ERI2: variants seen among roughly 807,000 people sequenced by gnomAD.
ERI2 encodes the protein ERI1 exoribonuclease 2.
Under a neutral mutation model 46.8 loss-of-function variants are expected in ERI2, and 35 were observed. The ratio of observed to expected loss-of-function variants is 0.75; its 90% CI spans 0.57 to 0.99. The LOEUF (loss-of-function observed/expected upper bound fraction) is 0.99, where lower values mean the gene tolerates loss of function less well. Ranked by LOEUF, ERI2 falls within the 50% of genes least tolerant of loss-of-function variation. ERI2 has a pLI of 0.00. For synonymous variants in ERI2, 224 were observed against 271.0 expected (o/e 0.83, Z 1.70); for missense variants, 695 against 796.2 (o/e 0.87, Z 1.53).
chr16:20,797,383 TA>T lies in ERI2; in HGVS notation c.*340del. ...ACTTATAAAAGTTTTTAGAAAAATA[TA>T]AAATATCAGTTAGAAGATTATGATA... On this transcript the variant is annotated 3_prime_UTR_variant, in exon 9 of 9. Coordinates refer to ENST00000357967, the MANE Select transcript of ERI2 (RefSeq NM_001142725.2). 1 of 985,872 alleles carries T rather than the reference TA, an allele frequency of 1.0e-6. No individual in the cohort carries two copies. The highest frequency in any genetic ancestry group is 1.2e-6 in the Non-Finnish European group (1 of 824,992). 61.1% of individuals were successfully genotyped at this position (985,872 alleles called of 1,614,324 possible). A position where few individuals can be genotyped will look rare whatever the true frequency, so the allele number is the denominator to read the frequency against.
chr16:20,785,269 T>C (rs2080447398), intron 10 of ERI2, among the ~76,000 whole-genome samples: 1 of 152,200 alleles, frequency 6.6e-6, no homozygotes, highest in Non-Finnish European at 1.5e-5. Context: ...GCAAAAAAGC[T>C]CTGTTAACAG....
At chr16:20,795,789 A>C (rs1217701774), downstream of ERI2, among the ~76,000 whole-genome samples, 1 of 152,320 alleles carries the variant, frequency 6.6e-6, no homozygotes, top group East Asian at 1.9e-4. Context: ...CAGGACTCCA[A>C]ATTTACTTTT....
At chr16:20,781,839 G>C in intron 10 of ERI2, 67 of 1,379,592 alleles carry the variant, frequency 4.9e-5, no homozygotes, top group Non-Finnish European at 6.4e-5. Context: ...AGAAGAGGAA[G>C]CTATAAAATA....
Position 20,799,462 on chromosome 16 carries a change from G to T in ERI2, c.644-111C>A, listed in dbSNP as rs976109378. 5 of 1,053,390 alleles carry T rather than the reference G, an allele frequency of 4.7e-6. No homozygotes were observed. In the African/African-American group the frequency reaches 4.9e-5, roughly 10 times the overall value. The allele number at this position is 1,053,390 out of a possible 1,614,324, so 65.3% of individuals were successfully genotyped here. A position where few individuals can be genotyped will look rare whatever the true frequency, so the allele number is the denominator to read the frequency against. The stretch of plus-strand genomic sequence containing the variant: ...CCACTTGTGTAGAAATTGGAACACA[G>T]TTTTAGTTTTATGACCATCTACTAA... On this transcript the variant is annotated intron_variant, in intron 7 of 8. Transcript: ENST00000357967.
rs569687602 is a variant in ERI2, at chr16:20,805,431, A to T, written c.23+977T>A. Among the ~76,000 whole-genome samples the T allele has an allele frequency of 1.4e-3, 200 of 139,726 alleles. 1 individual carries two copies. Among genetic ancestry groups the T allele is most frequent in the African/African-American group, 4.8e-3 (192 of 40,330 alleles). The allele number at this position is 139,726 out of a possible 152,430, so 91.7% of individuals were successfully genotyped here. ...CAAAACTCCGTCTCAAAAAAAAAAA[A>T]AAAGATCACTAGAAAATGGGTTTGT... On this transcript the variant is annotated intron_variant, in intron 1 of 8. Transcript: ENST00000357967.
Position 20,800,409 on chromosome 16 carries a change from T to TTTTACTTCAGAAGCAGA in ERI2, c.461-8_461-7insTCTGCTTCTGAAGTAAA. 6.4e-7 allele frequency: 1 copy of TTTTACTTCAGAAGCAGA among 1,560,744 alleles called. No individual in the cohort carries two copies. Among genetic ancestry groups the TTTTACTTCAGAAGCAGA allele is most frequent in the Non-Finnish European group, 8.8e-7 (1 of 1,139,398 alleles). ...CAAACCCCCAAGTCCCAGTCTGCAT[T>TTTTACTTCAGAAGCAGA]AGGTACATTAAAATAGAACAAAGTC... is the stretch of plus-strand genomic sequence containing the variant. On this transcript the variant is annotated splice_polypyrimidine_tract_variant and splice_region_variant and intron_variant, in intron 5 of 8. Coordinates refer to ENST00000357967, the MANE Select transcript of ERI2 (RefSeq NM_001142725.2).
chr16:20,784,008 G>A (rs942050903), intron 10 of ERI2, among the ~76,000 whole-genome samples: 6 of 152,116 alleles, frequency 3.9e-5, no homozygotes, highest in Non-Finnish European at 8.8e-5. Flanking sequence ...GTTCTGCCAC[G>A]TTGGCCAGGC....
intron 8 of ERI2, 21 bp from the exon 9 acceptor site, chr16:20,799,088 G>C: frequency 6.7e-7 from 1 of 1,488,186 alleles, no homozygotes; most frequent in African/African-American, 1.4e-5. Context: ...ACAGACAAAT[G>C]CAACAGCTTT....
chr16:20,799,843 T>G, intron 7 of ERI2, 114 bp downstream of exon 7: 1 of 602,304 alleles, frequency 1.7e-6, no homozygotes, highest in Non-Finnish European at 3.0e-6. Flanking sequence ...GATTAGGAGT[T>G]TTTTTTTTTT....
intron 10 of ERI2, chr16:20,781,662 A>G (rs1276218799): frequency 7.1e-7 from 1 of 1,400,332 alleles, no homozygotes; most frequent in Admixed American, 1.7e-5. Context: ...TTAAGCACTT[A>G]TTTAAGTTGT....
downstream of ERI2, among the ~76,000 whole-genome samples, chr16:20,794,148 G>A (rs2080667906): frequency 6.6e-6 from 1 of 152,186 alleles, no homozygotes. Flanking sequence ...CTGCTGCCAG[G>A]CCTATTCTAC....
downstream of ERI2, among the ~76,000 whole-genome samples, chr16:20,792,923 G>A (rs1385157505): frequency 6.6e-6 from 1 of 152,156 alleles, no homozygotes; most frequent in Non-Finnish European, 1.5e-5. Context: ...CCTGCGTTTT[G>A]CCTGTGTGTC....
intron 5 of ERI2, 51 bp from the exon 6 acceptor site, chr16:20,800,453 T>C: frequency 3.7e-6 from 4 of 1,083,420 alleles, no homozygotes; most frequent in Middle Eastern, 2.0e-4. Flanking sequence ...CAGCATTTTT[T>C]ACTTATGCTG....
At chr16:20,802,574 A>AT (rs564591571) in intron 4 of ERI2, among the ~76,000 whole-genome samples, 4,476 of 132,484 alleles carry the variant, frequency 0.034, 67 homozygotes, top group Non-Finnish European at 0.043. Context: ...GCTAATTTAA[A>AT]TTTTTTTTTT....
chr16:20,798,322 C>A lies in ERI2; in HGVS notation c.1478G>T (p.Gly493Val). The change falls in exon 9 of 9, where the codon GGT becomes GTT. Residue 493 changes from glycine to valine, a missense_variant. Gly to Val is a moderately radical substitution (Grantham distance 109). Transcript: ENST00000357967. ...IYNVKEAKDP[G>V]SDISAFKLPE... ...TAACTTAAAGGCAGAAATATCTGAA[C>A]CTGGATCTTTGGCTTCTTTTACATT... 6 of 1,551,488 alleles carry A rather than the reference C, an allele frequency of 3.9e-6. No individual in the cohort carries two copies. The highest frequency in any genetic ancestry group is 5.2e-6 in the Non-Finnish European group (6 of 1,146,882).
chr16:20,800,091 T>G (rs2080780471), intron 6 of ERI2, 53 bp from the exon 7 acceptor site: 1 of 1,140,048 alleles, frequency 8.8e-7, no homozygotes, highest in Admixed American at 2.2e-5. Flanking sequence ...TTAAAGACTA[T>G]GTATTAAACA....
At chr16:20,803,722 G>A in intron 1 of ERI2, 52 bp from the exon 2 acceptor site, 1 of 1,585,360 alleles carries the variant, frequency 6.3e-7, no homozygotes, top group Non-Finnish European at 8.6e-7. Flanking sequence ...TCACACTCCT[G>A]TTTGAGTAGG....
At chr16:20,799,765 G>T in intron 7 of ERI2, 192 bp downstream of exon 7, 2 of 504,636 alleles carry the variant, frequency 4.0e-6, no homozygotes, top group Non-Finnish European at 7.1e-6. Flanking sequence ...CCACTAGATG[G>T]CAGTGTATCT....
chr16:20,796,495 C>T lies in ERI2; in HGVS notation c.*1229G>A, dbSNP rs1332286038. 1 of 1,610,512 alleles carries T rather than the reference C, an allele frequency of 6.2e-7. No individual in the cohort carries two copies. The highest frequency in any genetic ancestry group is 8.5e-7 in the Non-Finnish European group (1 of 1,179,288). On this transcript the variant is annotated 3_prime_UTR_variant, in exon 9 of 9. Transcript: ENST00000357967. The stretch of plus-strand genomic sequence containing the variant: ...CTTACAAATATCCCAGAAAGGTAGG[C>T]ATCCTAATTATAACGAATATTTGCT...
Sources: allele counts gnomAD v4.1 joint callset (sites outside exome capture counted in the v4.1 genomes callset), GRCh38; gene constraint gnomAD v4.1.1; transcripts MANE v1.5; gene names NCBI Gene and HGNC (gene_info 2026-07-23, HGNC 2026-07-21).